The following ADARB2 variants were observed in gnomAD, a reference collection of about 807,000 sequenced individuals.
The protein encoded by ADARB2 is inactive double-stranded RNA-specific editase B2.
Under a neutral mutation model 62.2 loss-of-function variants are expected in ADARB2, and 25 were observed. That is an observed-to-expected ratio of 0.40 (90% CI 0.29 to 0.56). ADARB2 has a LOEUF of 0.56. Ranked by LOEUF, ADARB2 falls within the 20% of genes least tolerant of loss-of-function variation. ADARB2 has a pLI of 0.43. For synonymous variants in ADARB2, 572 were observed against 500.8 expected (o/e 1.14, Z -1.90); for missense variants, 1,071 against 1,077.4 (o/e 0.99, Z 0.08).
At chr10:1,470,751 C>T (rs1831310466) in intron 1 of ADARB2, among the ~76,000 whole-genome samples, 1 of 152,194 alleles carries the variant, frequency 6.6e-6, no homozygotes. Flanking sequence ...TATAAAAACA[C>T]CTCCTGGCCA....
chr10:1,388,956 A>G (rs1409358408), intron 1 of ADARB2, among the ~76,000 whole-genome samples: 1 of 152,234 alleles, frequency 6.6e-6, no homozygotes, highest in Non-Finnish European at 1.5e-5. Context: ...CTAGATAAAT[A>G]CCAGTGGAAC....
At chr10:1,666,902 C>G (rs1834323813) in intron 1 of ADARB2, among the ~76,000 whole-genome samples, 1 of 152,162 alleles carries the variant, frequency 6.6e-6, no homozygotes, top group Admixed American at 6.5e-5. Flanking sequence ...GACCCATTTG[C>G]TCAGGGTAAC....
chr10:1,556,276 T>A (rs1385354034), intron 1 of ADARB2, among the ~76,000 whole-genome samples: 9 of 128,132 alleles, frequency 7.0e-5, no homozygotes, highest in Admixed American at 2.3e-4. Context: ...TTTTTTTTTT[T>A]AAATTTCTTT....
intron 1 of ADARB2, among the ~76,000 whole-genome samples, chr10:1,485,655 C>T (rs956529212): frequency 2.0e-5 from 3 of 152,180 alleles, no homozygotes; most frequent in Non-Finnish European, 4.4e-5. Flanking sequence ...CATTGCTGTC[C>T]TGTCACCTTG....
intron 3 of ADARB2, among the ~76,000 whole-genome samples, chr10:1,300,965 C>G (rs948238934): frequency 6.6e-6 from 1 of 152,196 alleles, no homozygotes; most frequent in Non-Finnish European, 1.5e-5. Flanking sequence ...GATCAGTGAT[C>G]AAGGAGCTGA....
intron 1 of ADARB2, among the ~76,000 whole-genome samples, chr10:1,489,241 C>T (rs1831589890): frequency 6.6e-6 from 1 of 152,010 alleles, no homozygotes; most frequent in Non-Finnish European, 1.5e-5. Flanking sequence ...TTCAGCAAGG[C>T]GTGACCGTGC....
At chr10:1,324,594 A>G (rs1194218782) in intron 3 of ADARB2, among the ~76,000 whole-genome samples, 1 of 152,254 alleles carries the variant, frequency 6.6e-6, no homozygotes, top group East Asian at 1.9e-4. Flanking sequence ...GACCTGGATG[A>G]GTGTGTGAAG....
intron 1 of ADARB2, among the ~76,000 whole-genome samples, chr10:1,521,187 C>A (rs1385061448): frequency 6.6e-6 from 1 of 152,078 alleles, no homozygotes. Flanking sequence ...TTAAAAGCTG[C>A]CACAAGTTCT....
rs571990542 is a variant in ADARB2, at chr10:1,627,458, T to C, written c.100+109593A>G. 7.2e-5 allele frequency among the ~76,000 whole-genome samples: 11 copies of C among 152,328 alleles called. No individual in the cohort carries two copies. In the South Asian group the frequency reaches 2.3e-3, roughly 32 times the overall value. ...GCAGGTTAAAGGGCACAGTTCAATG[T>C]CTATCAGGTGAACTTTGACTTTAAA... is the stretch of plus-strand genomic sequence containing the variant. On this transcript the variant is annotated intron_variant, in intron 1 of 9. Transcript: ENST00000381312.
rs925366703 is a variant in ADARB2, at chr10:1,430,951, A to G, written c.101-51791T>C. Among the ~76,000 whole-genome samples, 17 of 152,238 alleles carry G rather than the reference A, an allele frequency of 1.1e-4. 1 individual carries two copies. The highest frequency in any genetic ancestry group is 9.2e-4 in the Admixed American group (14 of 15,290). ...GACAGACCTGAAATGAGAAGTAGGCAAATCAATAGTTACCTTGGGGTCTGT... is the reference window on the plus strand; with the variant it reads ...GACAGACCTGAAATGAGAAGTAGGCGAATCAATAGTTACCTTGGGGTCTGT... On this transcript the variant is annotated intron_variant, in intron 1 of 9. Coordinates refer to ENST00000381312, the MANE Select transcript of ADARB2 (RefSeq NM_018702.4).
At chr10:1,378,593 C>T (rs548166334) in intron 2 of ADARB2, among the ~76,000 whole-genome samples, 11 of 152,052 alleles carry the variant, frequency 7.2e-5, no homozygotes, top group African/African-American at 2.4e-4. Context: ...TAGGATGGAA[C>T]TGCAGGTGAG....
At chr10:1,335,986 TTCTTC>T (rs1831972057) in intron 3 of ADARB2, among the ~76,000 whole-genome samples, 1 of 152,278 alleles carries the variant, frequency 6.6e-6, no homozygotes, top group South Asian at 2.1e-4. Context: ...GTTTTCATAT[TTCTTC>T]ATGACAAATG....
chr10:1,631,246 T>C (rs1422866400), intron 1 of ADARB2, among the ~76,000 whole-genome samples: 1 of 152,062 alleles, frequency 6.6e-6, no homozygotes, highest in Non-Finnish European at 1.5e-5. Context: ...CTTCTTTACT[T>C]TCTTCCTTCC....
At chr10:1,402,970 G>T (rs1038075078) in intron 1 of ADARB2, among the ~76,000 whole-genome samples, 4 of 152,358 alleles carry the variant, frequency 2.6e-5, no homozygotes, top group Admixed American at 6.5e-5. Context: ...CCTGGTGTTT[G>T]TTCCGTGAGG....
chr10:1,319,131 T>A (rs1031211824), intron 3 of ADARB2, among the ~76,000 whole-genome samples: 4 of 152,104 alleles, frequency 2.6e-5, no homozygotes. Context: ...ATCTATAGGA[T>A]GGGGCTGGTG....
chr10:1,647,778 G>T (rs945519996), intron 1 of ADARB2, among the ~76,000 whole-genome samples: 2 of 150,716 alleles, frequency 1.3e-5, no homozygotes, highest in East Asian at 1.9e-4. Flanking sequence ...TGTGGTGTGT[G>T]TATATATGTG....
chr10:1,320,710 C>T (rs1334137851), intron 3 of ADARB2, among the ~76,000 whole-genome samples: 1 of 152,146 alleles, frequency 6.6e-6, no homozygotes, highest in East Asian at 1.9e-4. Flanking sequence ...GTCTGTTGGT[C>T]CTATTTTTCT....
At chr10:1,322,927 G>A (rs1288074523) in intron 3 of ADARB2, among the ~76,000 whole-genome samples, 5 of 152,114 alleles carry the variant, frequency 3.3e-5, no homozygotes, top group Non-Finnish European at 5.9e-5. Context: ...GAACAGATTT[G>A]ATTCAACTTT....
chr10:1,451,656 G>A (rs1355693870), intron 1 of ADARB2, among the ~76,000 whole-genome samples: 1 of 33,584 alleles, frequency 3.0e-5, no homozygotes, highest in Non-Finnish European at 1.3e-4. Context: ...ATGAGAAGGG[G>A]ACACACCTGT....
Sources: gnomAD v4.1 joint callset for allele counts (sites outside exome capture counted in the v4.1 genomes callset) on GRCh38, gnomAD v4.1.1 for gene constraint, MANE v1.5 for transcripts, NCBI Gene and HGNC (gene_info 2026-07-23, HGNC 2026-07-21) for gene names.